Variants in CYP3A4 observed in about 807,000 individuals in gnomAD.
CYP3A4 encodes cytochrome P450 3A4.
CYP3A4 carries 41 observed loss-of-function variants against 54.9 expected under a neutral mutation model. The ratio of observed to expected loss-of-function variants is 0.75; its 90% confidence interval spans 0.58 to 0.97. The LOEUF (loss-of-function observed/expected upper bound fraction) is 0.97. Among genes scored for constraint, CYP3A4 ranks in the 50% least tolerant of loss-of-function variants. CYP3A4 has a pLI of 0.00. For missense variants in CYP3A4, 510 were observed against 597.3 expected (o/e 0.85, Z 1.52); for synonymous variants, 179 against 205.2 (o/e 0.87, Z 1.09).
chr7:99,782,296 G>T (rs1181894410), intron 1 of CYP3A4, among the ~76,000 whole-genome samples: 1 of 152,176 alleles, frequency 6.6e-6, no homozygotes, highest in African/African-American at 2.4e-5. Context: ...AGGCTAGGCT[G>T]GGCAAACTGT....
intron 3 of CYP3A4, among the ~76,000 whole-genome samples, chr7:99,777,008 T>C (rs1584548907): frequency 6.6e-6 from 1 of 152,082 alleles, no homozygotes; most frequent in East Asian, 1.9e-4. Context: ...CAAAACAGAA[T>C]GAAAAGTTCC....
In CYP3A4 at chr7:99,763,956, T is replaced by C. The variant is rs758999970; in HGVS notation, c.925A>G (p.Thr309Ala). Residue 309 changes from threonine (T) to alanine (A), a missense_variant, in exon 10 of 13, where the codon ACC (threonine) becomes GCC (alanine). By Grantham distance (58) the Thr-to-Ala change is moderately conservative. Around this residue, in one of 2 missense-constraint regions of CYP3A4, gnomAD observed 238 missense variants for 322.5 expected, o/e 0.74. Coordinates refer to ENST00000651514, the MANE Select transcript of CYP3A4 (RefSeq NM_017460.6). ...SIIFIFAGYE[T>A]TSSVLSFIMY... ...ATGAAGGAGAGAACACTGCTCGTGG[T>C]TTCATAGCCAGCAAAAATAAAGATA... 1.9e-6 allele frequency: 3 copies of C among 1,613,976 alleles called. No individual in the cohort carries two copies. Among genetic ancestry groups the C allele is most frequent in the Non-Finnish European group, 2.5e-6 (3 of 1,179,934 alleles).
At chr7:99,768,624 T>C (rs1168679355) in intron 6 of CYP3A4, 122 bp from the exon 7 acceptor site, 1 of 1,569,370 alleles carries the variant, frequency 6.4e-7, no homozygotes, top group South Asian at 1.1e-5. Context: ...CTTTCAGATC[T>C]ACTAGATCAC....
At chr7:99,780,534 C>T (rs997852433) in intron 1 of CYP3A4, among the ~76,000 whole-genome samples, 1 of 152,184 alleles carries the variant, frequency 6.6e-6, no homozygotes, top group African/African-American at 2.4e-5. Flanking sequence ...TGCAGCCACT[C>T]AGTCACAGAG....
intron 3 of CYP3A4, 79 bp downstream of exon 3, chr7:99,777,949 G>T: frequency 8.7e-7 from 1 of 1,146,096 alleles, no homozygotes; most frequent in Non-Finnish European, 1.3e-6. Flanking sequence ...GAGGCTTTGG[G>T]CTGAGACTGT....
chr7:99,763,666 A>T (rs1245438779), intron 10 of CYP3A4, among the ~76,000 whole-genome samples, 189 bp downstream of exon 10: 2 of 152,206 alleles, frequency 1.3e-5, no homozygotes, highest in Non-Finnish European at 2.9e-5. Flanking sequence ...TTTTACAAAG[A>T]TCTTACGCTT....
rs1816004594 is a variant in CYP3A4, at chr7:99,784,179, A to C, written c.-98T>G. ...TGCATGGAGCTTTCCTGCCCTGCAC[A>C]GCAGTGATTCAGTGAGGCTGTTGGA... On this transcript the variant is annotated 5_prime_UTR_variant, in exon 1 of 13. Transcript: ENST00000651514. 2.6e-6 allele frequency: 3 copies of C among 1,173,996 alleles called. No homozygotes were observed. Among genetic ancestry groups the C allele is most frequent in the Non-Finnish European group, 3.8e-6 (3 of 790,842 alleles). 72.7% of individuals were successfully genotyped at this position (1,173,996 alleles called of 1,614,324 possible). A position where few individuals can be genotyped will look rare whatever the true frequency, so the allele number is the denominator to read the frequency against.
Position 99,762,229 on chromosome 7 carries a change from A to G in CYP3A4, c.1065T>C (p.Tyr355=). Reference sequence around the variant, plus strand: ...GCGTTTCATTCACCACCATGTCAAGATACTCCATCTGTAGCACAGTATCAT... The same window carrying G: ...GCGTTTCATTCACCACCATGTCAAGGTACTCCATCTGTAGCACAGTATCAT... ...PTYDTVLQME[Y]LDMVVNETLR... is the part of the protein sequence containing the mutation. The change falls in exon 11 of 13, where the codon TAT becomes TAC. Residue 355 remains tyrosine (Y), a synonymous_variant. Coordinates refer to ENST00000651514, the MANE Select transcript of CYP3A4 (RefSeq NM_017460.6). 1.2e-6 allele frequency: 2 copies of G among 1,614,102 alleles called. No individual in the cohort carries two copies. Among genetic ancestry groups the G allele is most frequent in the Non-Finnish European group, 1.7e-6 (2 of 1,180,000 alleles).
chr7:99,773,417 T>A (rs1584546743), intron 3 of CYP3A4, among the ~76,000 whole-genome samples: 1 of 152,234 alleles, frequency 6.6e-6, no homozygotes, highest in African/African-American at 2.4e-5. Flanking sequence ...CACATCGCAC[T>A]TATTCTAAAA....
At chr7:99,783,547 C>T (rs537091483) in intron 1 of CYP3A4, among the ~76,000 whole-genome samples, 1 of 149,122 alleles carries the variant, frequency 6.7e-6, no homozygotes, top group South Asian at 2.2e-4. Flanking sequence ...TGCATAAGAT[C>T]TACAATAACC....
chr7:99,770,952 C>G (rs1458988292), intron 4 of CYP3A4, among the ~76,000 whole-genome samples: 2 of 151,880 alleles, frequency 1.3e-5, no homozygotes, highest in Non-Finnish European at 2.9e-5. Flanking sequence ...ACTCAGCAAA[C>G]TAGGGAGAGA....
chr7:99,770,244 C>T lies in CYP3A4; in HGVS notation c.319-9G>A. 1 of 1,602,328 alleles carries T rather than the reference C, an allele frequency of 6.2e-7. No homozygotes were observed. Among genetic ancestry groups the T allele is most frequent in the Non-Finnish European group, 8.6e-7 (1 of 1,169,548 alleles). Reference sequence around the variant, plus strand: ...CCCACTGGACCAAAAGGCTAGAGTTCAAAGCAGAAACATTTTGTCCTACAT... The same window carrying T: ...CCCACTGGACCAAAAGGCTAGAGTTTAAAGCAGAAACATTTTGTCCTACAT... On this transcript the variant is annotated splice_polypyrimidine_tract_variant and intron_variant, in intron 4 of 12. Transcript: ENST00000651514.
intron 1 of CYP3A4, 133 bp from the exon 2 acceptor site, chr7:99,780,218 C>T (rs1815884698): frequency 2.4e-6 from 2 of 843,774 alleles, no homozygotes; most frequent in South Asian, 3.3e-5. Context: ...ATAACAGTAA[C>T]TCTGACGGCA....
chr7:99,760,908 T>C lies in CYP3A4; in HGVS notation c.1327A>G (p.Ile443Val). 6.2e-7 allele frequency: 1 copy of C among 1,614,148 alleles called. No homozygotes were observed. The highest frequency in any genetic ancestry group is 1.7e-5 in the Admixed American group (1 of 60,032). ...TPFGSGPRNC[I>V]GMRFALMNMK... The stretch of plus-strand genomic sequence containing the variant: ...TTCATGAGAGCAAACCTCATGCCAA[T>C]GCAGTTTCTGGGTCCACTTCCAAAG... The change falls in exon 12 of 13, where the codon ATT becomes GTT. Residue 443 changes from isoleucine to valine, a missense_variant. Physicochemically the swap from Ile to Val is conservative, Grantham distance 29. This residue lies in a region of CYP3A4 where 238 missense variants were observed against 322.5 expected (regional missense o/e 0.74). Coordinates refer to ENST00000651514, the MANE Select transcript of CYP3A4 (RefSeq NM_017460.6).
chr7:99,778,882 A>T (rs1489257745), intron 2 of CYP3A4, among the ~76,000 whole-genome samples: 2 of 152,200 alleles, frequency 1.3e-5, no homozygotes, highest in East Asian at 1.9e-4. Flanking sequence ...CGGGGAAATT[A>T]TTGCTTTTGC....
At chr7:99,761,708 GA>G (rs1199441865) in intron 11 of CYP3A4, among the ~76,000 whole-genome samples, 6 of 151,978 alleles carry the variant, frequency 3.9e-5, no homozygotes, top group African/African-American at 4.8e-5. Flanking sequence ...TTATATTTAT[GA>G]AAAAAATATT....
intron 7 of CYP3A4, among the ~76,000 whole-genome samples, 191 bp downstream of exon 7, chr7:99,768,163 G>A (rs1023651468): frequency 6.6e-6 from 1 of 152,198 alleles, no homozygotes; most frequent in African/African-American, 2.4e-5. Context: ...AGCTAAAAAT[G>A]TATGAGGTCT....
At position 99,757,869 on chromosome 7, in the gene CYP3A4, GT is replaced by G; in HGVS notation, c.*263del. ...GAGGAGTTAATGGTGCTAACTGGGG[GT>G]GGTGGAAATAGTCCCGTGAGAAGCA... On this transcript the variant is annotated 3_prime_UTR_variant, in exon 13 of 13. Coordinates refer to ENST00000651514, the MANE Select transcript of CYP3A4 (RefSeq NM_017460.6). 1 of 388,342 alleles carries G rather than the reference GT, an allele frequency of 2.6e-6. No homozygotes were observed. The highest frequency in any genetic ancestry group is 4.7e-6 in the Non-Finnish European group (1 of 210,698). The allele number at this position is 388,342 out of a possible 1,614,324, so 24.1% of individuals were successfully genotyped here.
intron 1 of CYP3A4, among the ~76,000 whole-genome samples, chr7:99,780,713 A>G (rs550448257): frequency 1.3e-5 from 2 of 152,304 alleles, no homozygotes; most frequent in South Asian, 4.1e-4. Flanking sequence ...CAGATTGACA[A>G]CTGTGCTCAA....
Sources: gnomAD v4.1 joint callset for allele counts (sites outside exome capture counted in the v4.1 genomes callset) on GRCh38, gnomAD v4.1.1 for gene constraint, gnomAD v4.1.1 regional missense constraint, MANE v1.5 for transcripts, NCBI Gene and HGNC (gene_info 2026-07-23, HGNC 2026-07-21) for gene names.